The following MMP26 variants were observed in gnomAD, a reference collection of about 807,000 sequenced individuals.
MMP26 encodes the protein matrix metallopeptidase 26, also known as matrix metalloproteinase-26.
A neutral mutation model predicts 31.0 loss-of-function variants in MMP26; 33 were observed. The observed-to-expected ratio is 1.06, with a 90% CI of 0.81 to 1.42. The LOEUF (loss-of-function observed/expected upper bound fraction) is 1.42, where lower values mean the gene tolerates loss of function less well. MMP26 is among the 40% of genes most tolerant of loss of function. The probability of loss-of-function intolerance (pLI) is 0.00; values close to 1 mark genes in which losing one functional copy is unlikely to be tolerated. For synonymous variants in MMP26, 122 were observed against 114.9 expected, an observed-to-expected ratio of 1.06 and a Z score of -0.40; for missense variants, 347 against 316.1, an observed-to-expected ratio of 1.10 and a Z score of -0.74.
intron 2 of MMP26, among the ~76,000 whole-genome samples, chr11:4,919,024 A>C (rs1851141959): frequency 6.6e-6 from 1 of 152,354 alleles, no homozygotes; most frequent in Admixed American, 6.5e-5. Flanking sequence ...GGTCTCATCA[A>C]TATTCCTGCT....
chr11:4,957,705 T>C (rs1267933687), intron 2 of MMP26, among the ~76,000 whole-genome samples: 2 of 151,752 alleles, frequency 1.3e-5, no homozygotes, highest in Non-Finnish European at 2.9e-5. Context: ...TTTTTGGAGA[T>C]AGAGTCTCAC....
chr11:4,736,584 T>C (rs1848243625), intron 1 of MMP26: 1 of 152,138 alleles, frequency 6.6e-6, no homozygotes, highest in Admixed American at 6.5e-5. Flanking sequence ...ATGGAGCACA[T>C]GACTTTGGCA....
At chr11:4,802,390 C>T (rs2133452830) in intron 2 of MMP26, among the ~76,000 whole-genome samples, 1 of 152,168 alleles carries the variant, frequency 6.6e-6, no homozygotes, top group Non-Finnish European at 1.5e-5. Context: ...AAAAAAGTGA[C>T]TGGAGGACAA....
At position 4,992,016 on chromosome 11, in the gene MMP26, G is replaced by C. The variant is rs975723483; in HGVS notation, c.648G>C (p.Leu216=). ...ATHEIGHSLG[L]QHSGNQSSIM... is the part of the protein sequence containing the mutation. ...ATGAGATTGGGCATTCTTTGGGCCT[G>C]CAGCACTCTGGGAATCAGAGCTCCA... The change falls in exon 7 of 8, where the codon CTG becomes CTC. Residue 216 remains leucine (L), a synonymous_variant. Transcript: ENST00000380390. The C allele has an allele frequency of 1.2e-6, 2 of 1,613,416 alleles. No homozygotes were observed. The highest frequency in any genetic ancestry group is 2.7e-5 in the African/African-American group (2 of 74,746).
chr11:4,791,202 G>A (rs1243065629), intron 2 of MMP26, among the ~76,000 whole-genome samples: 1 of 152,206 alleles, frequency 6.6e-6, no homozygotes, highest in African/African-American at 2.4e-5. Context: ...TCAAATGCCT[G>A]CAATGCAGTC....
intron 2 of MMP26, among the ~76,000 whole-genome samples, chr11:4,986,955 CT>C (rs1846908019): frequency 7.0e-6 from 1 of 143,768 alleles, no homozygotes; most frequent in Non-Finnish European, 1.5e-5. Flanking sequence ...CTCTCTCTCT[CT>C]CTCCCTCTCT....
chr11:4,723,896 C>A, intron 1 of MMP26: 1 of 1,099,184 alleles, frequency 9.1e-7, no homozygotes, highest in Non-Finnish European at 1.4e-6. Context: ...TTGATCTGCT[C>A]CTTCTCCTGG....
chr11:4,774,785 A>T (rs1450687055), intron 2 of MMP26, among the ~76,000 whole-genome samples: 2 of 152,176 alleles, frequency 1.3e-5, no homozygotes, highest in African/African-American at 4.8e-5. Flanking sequence ...TCTTTAATCC[A>T]TCATGAGTTA....
At chr11:4,963,986 A>T (rs553875019) in intron 2 of MMP26, among the ~76,000 whole-genome samples, 1 of 152,144 alleles carries the variant, frequency 6.6e-6, no homozygotes, top group African/African-American at 2.4e-5. Context: ...AATTTGTTTA[A>T]GTTCCCATAG....
chr11:4,750,879 A>G (rs1252720923), intron 1 of MMP26, among the ~76,000 whole-genome samples: 1 of 152,004 alleles, frequency 6.6e-6, no homozygotes, highest in African/African-American at 2.4e-5. Flanking sequence ...ACTATGCAAT[A>G]TATCCATGTA....
intron 2 of MMP26, among the ~76,000 whole-genome samples, chr11:4,941,075 C>T (rs1327128058): frequency 1.3e-5 from 2 of 152,032 alleles, no homozygotes; most frequent in African/African-American, 4.8e-5. Context: ...TTTTAATATA[C>T]ATAGGATAAG....
intron 1 of MMP26, among the ~76,000 whole-genome samples, chr11:4,717,861 G>A (rs1847955838): frequency 6.6e-6 from 1 of 152,098 alleles, no homozygotes; most frequent in African/African-American, 2.4e-5. Flanking sequence ...TTTATAACAT[G>A]CAGCTGTAAA....
At chr11:4,726,263 G>T (rs886679915) in intron 1 of MMP26, among the ~76,000 whole-genome samples, 4 of 152,018 alleles carry the variant, frequency 2.6e-5, no homozygotes, top group Admixed American at 2.0e-4. Flanking sequence ...GATCACTTGA[G>T]GTCCAGCCTG....
Position 4,992,354 on chromosome 11 carries a change from A to G in MMP26, c.*112A>G, listed in dbSNP as rs114246661. 4.9e-6 allele frequency: 5 copies of G among 1,024,174 alleles called. No individual in the cohort carries two copies. In the South Asian group the frequency reaches 6.2e-5, roughly 13 times the overall value. The allele number at this position is 1,024,174 out of a possible 1,614,324, so 63.4% of individuals were successfully genotyped here. A position where few individuals can be genotyped will look rare whatever the true frequency, so the allele number is the denominator to read the frequency against. On this transcript the variant is annotated 3_prime_UTR_variant, in exon 8 of 8. Transcript: ENST00000380390. ...GACTGCTAGGATGAAGCCCTAAAGA[A>G]TGCAACCTAGTCAGGTTAGCTGAAC...
chr11:4,782,143 A>G (rs1487292927), intron 2 of MMP26, among the ~76,000 whole-genome samples: 1 of 152,242 alleles, frequency 6.6e-6, no homozygotes, highest in Non-Finnish European at 1.5e-5. Flanking sequence ...GAACTGGGTA[A>G]CAGGCAGAGG....
chr11:4,870,908 T>C (rs1034380584), intron 2 of MMP26, among the ~76,000 whole-genome samples: 2 of 152,118 alleles, frequency 1.3e-5, no homozygotes, highest in Non-Finnish European at 2.9e-5. Flanking sequence ...GCAGTGGTAT[T>C]TGATGATATC....
rs764945922 is a variant in MMP26, at chr11:4,954,972, C to A, written c.-144-33096C>A. ...ATGGGCAGGTAGAAGATGATCACTGCACAGATGTGTGAAACACAAGTATTG... is the reference window on the plus strand; with the variant it reads ...ATGGGCAGGTAGAAGATGATCACTGAACAGATGTGTGAAACACAAGTATTG... On this transcript the variant is annotated intron_variant, in intron 2 of 7. Coordinates refer to ENST00000380390, the MANE Select transcript of MMP26 (RefSeq NM_021801.5). 3.0e-6 allele frequency: 4 copies of A among 1,354,630 alleles called. 1 individual carries two copies. Among genetic ancestry groups the A allele is most frequent in the Non-Finnish European group, 4.1e-6 (4 of 979,560 alleles). The allele number at this position is 1,354,630 out of a possible 1,614,324, so 83.9% of individuals were successfully genotyped here. A position where few individuals can be genotyped will look rare whatever the true frequency, so the allele number is the denominator to read the frequency against.
chr11:4,717,328 TA>T (rs1161045142), intron 1 of MMP26, among the ~76,000 whole-genome samples: 2 of 152,202 alleles, frequency 1.3e-5, no homozygotes, highest in African/African-American at 4.8e-5. Context: ...TGTTTGATGT[TA>T]AACAAAGCTA....
rs147563748 is a variant in MMP26, at chr11:4,827,493, G to A, written c.-145+60152G>A. On this transcript the variant is annotated intron_variant, in intron 2 of 7. Transcript: ENST00000380390. Reference sequence around the variant, plus strand: ...TAGAAAGTATGGGGATAGCTCCAGGGCAATGGAGAAAGTGCTATGAGCACA... The same window carrying A: ...TAGAAAGTATGGGGATAGCTCCAGGACAATGGAGAAAGTGCTATGAGCACA... Among the ~76,000 whole-genome samples the A allele has an allele frequency of 7.3e-3, 1,114 of 152,136 alleles. 21 individuals are homozygous for A. The highest frequency in any genetic ancestry group is 0.025 in the African/African-American group (1,044 of 41,502).
Sources: allele counts gnomAD v4.1 joint callset (sites outside exome capture counted in the v4.1 genomes callset), GRCh38; gene constraint gnomAD v4.1.1; transcripts MANE v1.5; gene names NCBI Gene and HGNC (gene_info 2026-07-23, HGNC 2026-07-21).